PPP4R2: variants seen among roughly 807,000 people sequenced by gnomAD.
The protein encoded by PPP4R2 is protein phosphatase 4 regulatory subunit 2.
A neutral mutation model predicts 47.2 loss-of-function variants in PPP4R2; 13 were observed. That is an observed-to-expected ratio of 0.28 (90% CI 0.18 to 0.44). The LOEUF is 0.44. Among genes scored for constraint, PPP4R2 ranks in the 20% least tolerant of loss-of-function variants. The pLI is 1.00. For synonymous variants in PPP4R2, 151 were observed against 163.3 expected (o/e 0.92, Z 0.57); for missense variants, 421 against 491.2 (o/e 0.86, Z 1.35).
At chr3:73,004,863 G>T (rs1282359302) in intron 2 of PPP4R2, among the ~76,000 whole-genome samples, 3 of 51,370 alleles carry the variant, frequency 5.8e-5, no homozygotes, top group Non-Finnish European at 1.2e-4. Flanking sequence ...GTGTGTGTGT[G>T]TGTGTGTTTG....
intron 3 of PPP4R2, among the ~76,000 whole-genome samples, chr3:73,051,594 ATTAT>A (rs908370952): frequency 7.2e-5 from 11 of 152,138 alleles, no homozygotes; most frequent in Non-Finnish European, 1.5e-4. Flanking sequence ...GCTTTCTAAA[ATTAT>A]TTTAGTATAT....
At chr3:73,042,638 C>T (rs1003139178) in intron 2 of PPP4R2, among the ~76,000 whole-genome samples, 1 of 152,026 alleles carries the variant, frequency 6.6e-6, no homozygotes, top group Non-Finnish European at 1.5e-5. Flanking sequence ...GCTGGGATTA[C>T]ATCCGTGAGC....
At chr3:73,006,073 A>T (rs1701603654) in intron 2 of PPP4R2, among the ~76,000 whole-genome samples, 1 of 151,882 alleles carries the variant, frequency 6.6e-6, no homozygotes, top group South Asian at 2.1e-4. Context: ...TTAGTTTGTG[A>T]GTTCTAGAAT....
chr3:73,043,910 C>G (rs1279312262), intron 2 of PPP4R2, among the ~76,000 whole-genome samples: 1 of 152,138 alleles, frequency 6.6e-6, no homozygotes, highest in Non-Finnish European at 1.5e-5. Context: ...AAGAATAAGT[C>G]CCTTCACCTT....
rs774087662 is a variant in PPP4R2, at chr3:73,059,175, G to C, written c.381+45G>C. 1.9e-5 allele frequency: 18 copies of C among 963,248 alleles called. No individual in the cohort carries two copies. In the South Asian group the frequency reaches 2.8e-4, roughly 15 times the overall value. The allele number at this position is 963,248 out of a possible 1,614,324, so 59.7% of individuals were successfully genotyped here. ...AATTATATTATGCTGTGGTGTAATA[G>C]CTTTTATTTTAGAAAAGAACATTGA... On this transcript the variant is annotated intron_variant, in intron 4 of 8. Coordinates refer to ENST00000356692, the MANE Select transcript of PPP4R2 (RefSeq NM_174907.4).
chr3:73,054,238 T>A (rs1215397268), intron 3 of PPP4R2, among the ~76,000 whole-genome samples: 3 of 152,188 alleles, frequency 2.0e-5, no homozygotes, highest in Non-Finnish European at 4.4e-5. Flanking sequence ...CTTTTAATAA[T>A]GATAAGGAAC....
intron 2 of PPP4R2, among the ~76,000 whole-genome samples, chr3:73,000,845 T>C (rs1192110664): frequency 6.6e-6 from 1 of 152,206 alleles, no homozygotes; most frequent in African/African-American, 2.4e-5. Flanking sequence ...CAGGAACATA[T>C]GGTGTGTTTC....
chr3:73,016,819 T>TC (rs1701847863), intron 2 of PPP4R2, among the ~76,000 whole-genome samples: 1 of 57,614 alleles, frequency 1.7e-5, no homozygotes, highest in African/African-American at 7.4e-5. Context: ...GTTTCTTTTT[T>TC]TTTTTTTTTT....
At chr3:73,052,053 C>T (rs941109514) in intron 3 of PPP4R2, among the ~76,000 whole-genome samples, 18 of 151,892 alleles carry the variant, frequency 1.2e-4, no homozygotes, top group African/African-American at 3.9e-4. Context: ...AGAGTGAGTG[C>T]CTGAATATAG....
intron 2 of PPP4R2, among the ~76,000 whole-genome samples, chr3:73,000,825 G>A (rs1049612230): frequency 4.6e-5 from 7 of 152,112 alleles, no homozygotes; most frequent in African/African-American, 1.2e-4. Context: ...TATAGTATGC[G>A]CTGAATAAAC....
intron 2 of PPP4R2, among the ~76,000 whole-genome samples, chr3:73,000,922 G>T (rs1437965519): frequency 1.3e-5 from 2 of 152,128 alleles, no homozygotes; most frequent in African/African-American, 4.8e-5. Context: ...GGTTTGAGTT[G>T]CAATTATTAT....
chr3:73,017,346 T>C (rs2322809), intron 2 of PPP4R2, among the ~76,000 whole-genome samples: 80,259 of 151,930 alleles, frequency 0.53, 21,598 homozygotes, highest in African/African-American at 0.62. Context: ...TTCCCATAAA[T>C]TCTGCCTGTT....
chr3:73,043,230 G>C (rs1702414561), intron 2 of PPP4R2, among the ~76,000 whole-genome samples: 1 of 152,056 alleles, frequency 6.6e-6, no homozygotes, highest in Admixed American at 6.6e-5. Context: ...AAAATTTAAA[G>C]ATAAATTTTA....
intron 2 of PPP4R2, among the ~76,000 whole-genome samples, chr3:73,021,882 A>G (rs10525207): frequency 0.11 from 9,887 of 86,458 alleles, 421 homozygotes; most frequent in Admixed American, 0.17. Flanking sequence ...GTGTGTGTGT[A>G]TATATGCATA....
At chr3:73,027,329 T>C (rs564834315) in intron 2 of PPP4R2, among the ~76,000 whole-genome samples, 2 of 152,328 alleles carry the variant, frequency 1.3e-5, no homozygotes, top group Non-Finnish European at 2.9e-5. Context: ...GGTTTCACCA[T>C]GTTGGCCAGG....
chr3:73,006,100 C>A (rs1029667249), intron 2 of PPP4R2, among the ~76,000 whole-genome samples: 1 of 151,812 alleles, frequency 6.6e-6, no homozygotes, highest in African/African-American at 2.4e-5. Flanking sequence ...TAAATGGAAC[C>A]ATACAGTATG....
At chr3:73,052,241 CTTTTCT>C (rs969850057) in intron 3 of PPP4R2, among the ~76,000 whole-genome samples, 1 of 137,732 alleles carries the variant, frequency 7.3e-6, no homozygotes, top group Non-Finnish European at 1.5e-5. Context: ...TAATTTCTTT[CTTTTCT>C]TTTTTTTTTT....
At chr3:73,055,883 G>A (rs1702722944) in intron 3 of PPP4R2, among the ~76,000 whole-genome samples, 1 of 152,108 alleles carries the variant, frequency 6.6e-6, no homozygotes, top group Admixed American at 6.5e-5. Context: ...TGGGATTACA[G>A]GCGTGAGCCA....
chr3:73,046,586 T>C (rs568702995), intron 2 of PPP4R2, among the ~76,000 whole-genome samples: 1 of 152,292 alleles, frequency 6.6e-6, no homozygotes, highest in Admixed American at 6.5e-5. Context: ...CTAAGCAAAT[T>C]ATGTATTTTT....
Sources: gnomAD v4.1 joint callset for allele counts (sites outside exome capture counted in the v4.1 genomes callset) on GRCh38, gnomAD v4.1.1 for gene constraint, MANE v1.5 for transcripts, NCBI Gene and HGNC (gene_info 2026-07-23, HGNC 2026-07-21) for gene names.